The following WWC1 variants were observed in gnomAD, a reference collection of about 807,000 sequenced individuals.
WWC1 encodes WW and C2 domain containing 1.
In WWC1, 55 loss-of-function variants were observed where a neutral mutation model predicts 138.4. That is an observed-to-expected ratio of 0.40 (90% CI 0.32 to 0.50). The LOEUF is 0.50. Ranked by LOEUF, WWC1 falls within the 20% of genes least tolerant of loss-of-function variation. The probability of loss-of-function intolerance (pLI) is 0.72; values close to 1 mark genes in which losing one functional copy is unlikely to be tolerated. For synonymous variants in WWC1, 524 were observed against 564.9 expected (o/e 0.93, Z 1.03); for missense variants, 1,226 against 1,420.4 (o/e 0.86, Z 2.20).
At chr5:168,403,691 G>A (rs1188040211) in intron 5 of WWC1, among the ~76,000 whole-genome samples, 1 of 152,060 alleles carries the variant, frequency 6.6e-6, no homozygotes, top group East Asian at 1.9e-4. Flanking sequence ...GGGGAGGGCA[G>A]TGCAGCACCT....
intron 4 of WWC1, among the ~76,000 whole-genome samples, chr5:168,398,598 C>T (rs1779086134): frequency 6.6e-6 from 1 of 152,108 alleles, no homozygotes; most frequent in African/African-American, 2.4e-5. Flanking sequence ...TCCATTTTAC[C>T]AGTATGGAAA....
rs538433453 is a variant in WWC1, at chr5:168,330,869, G to A, written c.119+38598G>A. 5.3e-5 allele frequency among the ~76,000 whole-genome samples: 8 copies of A among 152,202 alleles called. No individual in the cohort carries two copies. In the South Asian group the frequency reaches 1.7e-3, roughly 32 times the overall value. ...GAATCTTCTGACTATAAAAAGAGCT[G>A]GTGCATTCAGAATCCTCTACAACCA... On this transcript the variant is annotated intron_variant, in intron 1 of 22. Coordinates refer to ENST00000265293, the MANE Select transcript of WWC1 (RefSeq NM_015238.3).
At chr5:168,441,333 A>G (rs1754737796) in intron 15 of WWC1, among the ~76,000 whole-genome samples, 1 of 152,238 alleles carries the variant, frequency 6.6e-6, no homozygotes, top group Non-Finnish European at 1.5e-5. Flanking sequence ...AATGTTCAGT[A>G]GATCTCTTTT....
intron 12 of WWC1, 90 bp from the exon 13 acceptor site, chr5:168,428,617 A>C (rs532670347): frequency 4.4e-6 from 6 of 1,366,700 alleles, no homozygotes; most frequent in Non-Finnish European, 6.2e-6. Context: ...GCAAACCCCA[A>C]CTTTCCTTCC....
intron 6 of WWC1, 129 bp from the exon 7 acceptor site, chr5:168,408,378 G>A: frequency 9.2e-7 from 1 of 1,083,708 alleles, no homozygotes; most frequent in South Asian, 1.5e-5. Flanking sequence ...CACAGGATCA[G>A]TAGGATATCT....
Position 168,412,115 on chromosome 5 carries a change from T to G in WWC1, c.941+2120T>G, listed in dbSNP as rs183678962. The G allele has an allele frequency of 1.4e-4, 137 of 985,450 alleles. 1 individual carries two copies. The highest frequency in any genetic ancestry group is 1.6e-4 in the Non-Finnish European group (133 of 829,944). The allele number at this position is 985,450 out of a possible 1,614,324, so 61.0% of individuals were successfully genotyped here. A position where few individuals can be genotyped will look rare whatever the true frequency, so the allele number is the denominator to read the frequency against. On this transcript the variant is annotated intron_variant, in intron 8 of 22. Transcript: ENST00000265293. ...TTGGATCTGTTCCATCCTGCAGGAA[T>G]GCCTGTCTTAGATGGTCAGTCCTTG...
chr5:168,406,990 A>G (rs1037574542), intron 6 of WWC1, among the ~76,000 whole-genome samples: 8 of 151,746 alleles, frequency 5.3e-5, no homozygotes, highest in South Asian at 2.1e-4. Flanking sequence ...GAGTCTTGCT[A>G]TGTTGCTCAG....
At chr5:168,372,354 C>A (rs1487258155) in intron 2 of WWC1, among the ~76,000 whole-genome samples, 1 of 152,150 alleles carries the variant, frequency 6.6e-6, no homozygotes, top group Non-Finnish European at 1.5e-5. Context: ...CCCACTTGTG[C>A]ATGTGTACAG....
chr5:168,345,039 C>T (rs1278817891), intron 1 of WWC1, among the ~76,000 whole-genome samples: 2 of 152,166 alleles, frequency 1.3e-5, no homozygotes, highest in South Asian at 2.1e-4. Flanking sequence ...GTCATTTTTA[C>T]AAAATATTGA....
At chr5:168,328,368 C>A (rs1772746498) in intron 1 of WWC1, among the ~76,000 whole-genome samples, 1 of 152,172 alleles carries the variant, frequency 6.6e-6, no homozygotes, top group Non-Finnish European at 1.5e-5. Context: ...TTGGGACTTG[C>A]TCTCCATGGT....
intron 1 of WWC1, among the ~76,000 whole-genome samples, chr5:168,298,899 C>T (rs1285701231): frequency 6.6e-6 from 1 of 152,130 alleles, no homozygotes; most frequent in African/African-American, 2.4e-5. Context: ...GCCTGGCCAA[C>T]ATGGTGAAAC....
At chr5:168,466,420 C>T (rs1757299653) in intron 21 of WWC1, among the ~76,000 whole-genome samples, 1 of 152,204 alleles carries the variant, frequency 6.6e-6, no homozygotes, top group African/African-American at 2.4e-5. Flanking sequence ...GTTCTCTGTG[C>T]ACACAGCCAG....
At chr5:168,438,521 T>C (rs1464143341) in intron 15 of WWC1, among the ~76,000 whole-genome samples, 1 of 152,204 alleles carries the variant, frequency 6.6e-6, no homozygotes, top group African/African-American at 2.4e-5. Context: ...CCTCTTTCTT[T>C]TATAAATGAC....
intron 9 of WWC1, among the ~76,000 whole-genome samples, chr5:168,418,480 G>T (rs1197535759): frequency 1.3e-5 from 2 of 152,172 alleles, no homozygotes; most frequent in African/African-American, 4.8e-5. Flanking sequence ...TCCTCTGCCT[G>T]CCTCCATGCT....
chr5:168,331,521 G>T (rs1041365453), intron 1 of WWC1, among the ~76,000 whole-genome samples: 2 of 152,192 alleles, frequency 1.3e-5, no homozygotes, highest in Non-Finnish European at 2.9e-5. Context: ...AAGGGAAATT[G>T]TGTATGTCCT....
chr5:168,384,788 G>A (rs1486917089), intron 2 of WWC1, among the ~76,000 whole-genome samples: 1 of 141,698 alleles, frequency 7.1e-6, no homozygotes, highest in African/African-American at 2.7e-5. Flanking sequence ...CACGATCTCA[G>A]CTTGCTGCAA....
intron 2 of WWC1, among the ~76,000 whole-genome samples, chr5:168,379,030 T>G (rs1777430505): frequency 6.6e-6 from 1 of 151,892 alleles, no homozygotes; most frequent in Non-Finnish European, 1.5e-5. Context: ...GTGTATGGCG[T>G]GTGTTTGTAG....
chr5:168,379,408 T>A (rs565850966), intron 2 of WWC1, among the ~76,000 whole-genome samples: 3 of 152,242 alleles, frequency 2.0e-5, no homozygotes, highest in East Asian at 1.9e-4. Context: ...CTCTTTTTTT[T>A]ATTTTTTTGA....
At chr5:168,374,895 G>T (rs982229134) in intron 2 of WWC1, among the ~76,000 whole-genome samples, 1 of 152,156 alleles carries the variant, frequency 6.6e-6, no homozygotes, top group Admixed American at 6.5e-5. Flanking sequence ...AGGATTTCCC[G>T]ATAGATTGCA....
Sources: gnomAD v4.1 joint callset for allele counts (sites outside exome capture counted in the v4.1 genomes callset) on GRCh38, gnomAD v4.1.1 for gene constraint, MANE v1.5 for transcripts, NCBI Gene and HGNC (gene_info 2026-07-23, HGNC 2026-07-21) for gene names.